The following ETV6 variants were observed in gnomAD, a reference collection of about 807,000 sequenced individuals.
The protein encoded by ETV6 is transcription factor ETV6.
In ETV6, 16 loss-of-function variants were observed where a neutral mutation model predicts 51.1. That is an observed-to-expected ratio of 0.31 (90% confidence interval 0.21 to 0.48). ETV6 has a LOEUF of 0.48. ETV6 is among the 20% of genes least tolerant of loss of function. ETV6 has a pLI of 0.99. For synonymous variants in ETV6, 240 were observed against 224.1 expected, an observed-to-expected ratio of 1.07 and a Z score of -0.64; for missense variants, 458 against 594.8, an observed-to-expected ratio of 0.77 and a Z score of 2.39.
chr12:11,764,843 C>T (rs1945141526), intron 2 of ETV6, among the ~76,000 whole-genome samples: 1 of 152,078 alleles, frequency 6.6e-6, no homozygotes, highest in African/African-American at 2.4e-5. Context: ...ATCATTTAAC[C>T]CTCTAGGCAG....
intron 1 of ETV6, chr12:11,716,630 C>T (rs1865285696): frequency 6.6e-6 from 1 of 152,222 alleles, no homozygotes; most frequent in Non-Finnish European, 1.5e-5. Flanking sequence ...TTCAGAGCTG[C>T]AGCTGGACTG....
At chr12:11,868,817 A>AAATGAT (rs1431779445) in intron 4 of ETV6, among the ~76,000 whole-genome samples, 1 of 152,224 alleles carries the variant, frequency 6.6e-6, no homozygotes, top group Non-Finnish European at 1.5e-5. Context: ...TAGAAGAGTT[A>AAATGAT]AATGATGGCC....
Position 11,741,935 on chromosome 12 carries a change from T to A in ETV6, c.34-10515T>A, listed in dbSNP as rs559834703. On this transcript the variant is annotated intron_variant, in intron 1 of 7. Transcript: ENST00000396373. Reference sequence around the variant, plus strand: ...ATGCCTGGCTCCCATCCCTGGAGATTTACTTGGCTATTGGGATTGTGTTTT... The same window carrying A: ...ATGCCTGGCTCCCATCCCTGGAGATATACTTGGCTATTGGGATTGTGTTTT... Among the ~76,000 whole-genome samples the A allele has an allele frequency of 1.1e-4, 16 of 152,340 alleles. 1 individual carries two copies. The highest frequency in any genetic ancestry group is 2.6e-4 in the Admixed American group (4 of 15,308).
chr12:11,714,773 T>C (rs7307437), intron 1 of ETV6, among the ~76,000 whole-genome samples: 7,118 of 150,346 alleles, frequency 0.047, 520 homozygotes, highest in African/African-American at 0.16. Context: ...AGACTCCTGG[T>C]GAGGAGGGCA....
At chr12:11,706,436 T>G (rs1264530030) in intron 1 of ETV6, among the ~76,000 whole-genome samples, 2 of 152,196 alleles carry the variant, frequency 1.3e-5, no homozygotes, top group Non-Finnish European at 2.9e-5. Flanking sequence ...AAAACAGTCC[T>G]GCATAAAAAT....
chr12:11,811,057 G>C (rs546314037), intron 2 of ETV6, among the ~76,000 whole-genome samples: 4 of 152,210 alleles, frequency 2.6e-5, no homozygotes, highest in Admixed American at 1.3e-4. Context: ...ACCACTTTCA[G>C]AGTGGTGGTA....
At chr12:11,861,802 T>C (rs1376539980) in intron 4 of ETV6, among the ~76,000 whole-genome samples, 1 of 152,206 alleles carries the variant, frequency 6.6e-6, no homozygotes, top group Non-Finnish European at 1.5e-5. Flanking sequence ...CTCTGCCTTA[T>C]CTCTGTGCCA....
chr12:11,685,131 T>C (rs1864603252), intron 1 of ETV6, among the ~76,000 whole-genome samples: 1 of 152,158 alleles, frequency 6.6e-6, no homozygotes, highest in South Asian at 2.1e-4. Context: ...CTGCGGAGTG[T>C]CATCTAGCTA....
intron 2 of ETV6, among the ~76,000 whole-genome samples, chr12:11,819,583 T>C (rs1251075134): frequency 6.6e-6 from 1 of 152,242 alleles, no homozygotes; most frequent in Non-Finnish European, 1.5e-5. Flanking sequence ...AAGCTGAATA[T>C]ATCCCCCGCC....
chr12:11,717,516 G>A (rs887293253), intron 1 of ETV6, among the ~76,000 whole-genome samples: 21 of 152,232 alleles, frequency 1.4e-4, no homozygotes, highest in African/African-American at 3.4e-4. Context: ...ATACAGTAAC[G>A]CTATGGGGCA....
intron 1 of ETV6, among the ~76,000 whole-genome samples, chr12:11,710,897 C>G (rs969921302): frequency 6.6e-6 from 1 of 152,074 alleles, no homozygotes; most frequent in African/African-American, 2.4e-5. Context: ...AAGAAAGCTG[C>G]CCCCTACTTT....
chr12:11,678,556 TC>T (rs1864465140), intron 1 of ETV6, among the ~76,000 whole-genome samples: 2 of 152,230 alleles, frequency 1.3e-5, no homozygotes. Context: ...TCCGATTATA[TC>T]CCTTTTTTCT....
At chr12:11,709,190 A>G (rs1865128688) in intron 1 of ETV6, among the ~76,000 whole-genome samples, 1 of 152,192 alleles carries the variant, frequency 6.6e-6, no homozygotes, top group South Asian at 2.1e-4. Context: ...CATAAGAACC[A>G]AAATGACTGA....
chr12:11,728,491 T>G (rs1168353543), intron 1 of ETV6, among the ~76,000 whole-genome samples: 1 of 152,216 alleles, frequency 6.6e-6, no homozygotes, highest in Non-Finnish European at 1.5e-5. Context: ...GGATCTAGGT[T>G]GTGTGCTTCT....
Position 11,752,563 on chromosome 12 carries a change from C to T in ETV6, c.147C>T (p.Arg49=). The part of the protein sequence containing the change: ...RALRMEEDSI[R]LPAHLRLQPI... ...TCAGGATGGAGGAAGACTCGATCCG[C>T]CTGCCTGCGCACCTGCGTGAGTGTT... The change falls in exon 2 of 8, where the codon CGC becomes CGT. Residue 49 remains arginine, a synonymous_variant. Coordinates refer to ENST00000396373, the MANE Select transcript of ETV6 (RefSeq NM_001987.5). 6.2e-7 allele frequency: 1 copy of T among 1,612,916 alleles called. No homozygotes were observed. Among genetic ancestry groups the T allele is most frequent in the South Asian group, 1.1e-5 (1 of 91,062 alleles).
At chr12:11,791,544 G>T (rs190485466) in intron 2 of ETV6, among the ~76,000 whole-genome samples, 1 of 152,328 alleles carries the variant, frequency 6.6e-6, no homozygotes, top group African/African-American at 2.4e-5. Context: ...GTAAGGTCGT[G>T]CATAAGGGAC....
intron 2 of ETV6, among the ~76,000 whole-genome samples, chr12:11,835,369 C>G (rs1010429059): frequency 2.0e-5 from 3 of 151,980 alleles, no homozygotes; most frequent in African/African-American, 7.2e-5. Flanking sequence ...TCCTTTTTTT[C>G]CTTTTCCTAA....
At chr12:11,710,493 G>T (rs2120878621) in intron 1 of ETV6, among the ~76,000 whole-genome samples, 1 of 152,226 alleles carries the variant, frequency 6.6e-6, no homozygotes, top group Admixed American at 6.5e-5. Context: ...TGTTCATTTT[G>T]CAGTGAGAAA....
chr12:11,817,174 G>T (rs1287990332), intron 2 of ETV6, among the ~76,000 whole-genome samples: 1 of 152,176 alleles, frequency 6.6e-6, no homozygotes, highest in East Asian at 1.9e-4. Context: ...TGGAAAATGG[G>T]AACAGTAATA....
Sources: allele counts gnomAD v4.1 joint callset (sites outside exome capture counted in the v4.1 genomes callset), GRCh38; gene constraint gnomAD v4.1.1; transcripts MANE v1.5; gene names NCBI Gene and HGNC (gene_info 2026-07-23, HGNC 2026-07-21).